ITFG1: variants seen among roughly 807,000 people sequenced by gnomAD.
The protein encoded by ITFG1 is T-cell immunomodulatory protein.
A neutral mutation model predicts 81.8 loss-of-function variants in ITFG1; 34 were observed. The ratio of observed to expected loss-of-function variants is 0.42; its 90% CI spans 0.32 to 0.55. ITFG1 has a LOEUF of 0.55. Among genes scored for constraint, ITFG1 ranks in the 20% least tolerant of loss-of-function variants. The pLI is 0.17. For missense variants in ITFG1, 672 were observed against 755.4 expected (o/e 0.89, Z 1.29); for synonymous variants, 285 against 270.6 (o/e 1.05, Z -0.52).
chr16:47,166,903 C>T (rs1248836370), intron 14 of ITFG1, among the ~76,000 whole-genome samples: 1 of 152,168 alleles, frequency 6.6e-6, no homozygotes, highest in Non-Finnish European at 1.5e-5. Context: ...CATCACTTTA[C>T]ATTTCCATTA....
chr16:47,333,965 C>T (rs892735247), intron 8 of ITFG1, among the ~76,000 whole-genome samples: 4 of 152,032 alleles, frequency 2.6e-5, no homozygotes, highest in Admixed American at 1.3e-4. Context: ...ATTTAGATAC[C>T]CACAATATCA....
intron 8 of ITFG1, among the ~76,000 whole-genome samples, chr16:47,319,755 T>C (rs374070226): frequency 3.3e-5 from 5 of 152,180 alleles, no homozygotes; most frequent in East Asian, 1.9e-4. Context: ...CTACTTTGAT[T>C]TGTGCTACAC....
intron 14 of ITFG1, among the ~76,000 whole-genome samples, chr16:47,194,147 TACTC>T (rs1459608169): frequency 1.4e-4 from 22 of 152,250 alleles, no homozygotes; most frequent in Admixed American, 1.4e-3. Context: ...CATTTCTTCT[TACTC>T]ACTTCTTCTG....
intron 14 of ITFG1, among the ~76,000 whole-genome samples, chr16:47,186,515 G>T (rs1286917371): frequency 6.6e-6 from 1 of 152,126 alleles, no homozygotes; most frequent in Non-Finnish European, 1.5e-5. Flanking sequence ...AAAACCACAC[G>T]ATTATCTCAA....
chr16:47,362,983 G>C (rs1968128605), intron 8 of ITFG1, among the ~76,000 whole-genome samples: 1 of 152,066 alleles, frequency 6.6e-6, no homozygotes, highest in Non-Finnish European at 1.5e-5. Context: ...TGCAACGTCT[G>C]CCTCCCAGGC....
chr16:47,258,599 G>A (rs749267984), intron 12 of ITFG1, 33 bp downstream of exon 12: 6 of 974,226 alleles, frequency 6.2e-6, no homozygotes, highest in African/African-American at 1.6e-5. Context: ...GGAAGAGAAA[G>A]AGAACAAAAT....
intron 14 of ITFG1, among the ~76,000 whole-genome samples, chr16:47,208,368 T>C (rs1965526060): frequency 6.6e-6 from 1 of 152,174 alleles, no homozygotes; most frequent in Admixed American, 6.5e-5. Context: ...ATAAGAACTT[T>C]AAGGTGTTTG....
chr16:47,435,791 G>T (rs1015994706), intron 5 of ITFG1, among the ~76,000 whole-genome samples: 11 of 152,064 alleles, frequency 7.2e-5, no homozygotes, highest in South Asian at 2.1e-4. Context: ...AAAGAATTTT[G>T]AATGCTGAAA....
At chr16:47,234,779 C>T (rs1596824414) in intron 13 of ITFG1, among the ~76,000 whole-genome samples, 1 of 152,276 alleles carries the variant, frequency 6.6e-6, no homozygotes, top group South Asian at 2.1e-4. Context: ...GCTGTGTCCA[C>T]ACCCAAATCT....
At chr16:47,279,682 C>T (rs886910041) in intron 10 of ITFG1, among the ~76,000 whole-genome samples, 9 of 152,144 alleles carry the variant, frequency 5.9e-5, no homozygotes, top group South Asian at 2.1e-4. Context: ...AACTCTACTG[C>T]GATTTTGATA....
intron 9 of ITFG1, among the ~76,000 whole-genome samples, chr16:47,313,523 C>T (rs1004769412): frequency 2.0e-5 from 3 of 152,020 alleles, no homozygotes; most frequent in Non-Finnish European, 4.4e-5. Flanking sequence ...GTTTTCTTCA[C>T]TAGAAATAAT....
chr16:47,248,581 A>G (rs1308870633), intron 12 of ITFG1, among the ~76,000 whole-genome samples: 1 of 152,048 alleles, frequency 6.6e-6, no homozygotes, highest in African/African-American at 2.4e-5. Flanking sequence ...AAATTATTTA[A>G]AGTAGTCTAT....
intron 16 of ITFG1, among the ~76,000 whole-genome samples, chr16:47,159,937 GA>G (rs1311584678): frequency 6.6e-6 from 1 of 151,984 alleles, no homozygotes; most frequent in Non-Finnish European, 1.5e-5. Flanking sequence ...ACATAAATTT[GA>G]AAAGAACATT....
At chr16:47,257,018 C>G (rs1031343247) in intron 12 of ITFG1, among the ~76,000 whole-genome samples, 4 of 152,290 alleles carry the variant, frequency 2.6e-5, no homozygotes, top group Non-Finnish European at 5.9e-5. Flanking sequence ...TGATACAAAG[C>G]ATCTACCAAA....
intron 8 of ITFG1, among the ~76,000 whole-genome samples, chr16:47,358,327 T>C (rs1430832011): frequency 6.6e-6 from 1 of 152,162 alleles, no homozygotes; most frequent in East Asian, 1.9e-4. Flanking sequence ...GGAAACAGAA[T>C]TGGCACTATG....
At chr16:47,444,705 A>G (rs1474101641) in intron 5 of ITFG1, among the ~76,000 whole-genome samples, 2 of 152,212 alleles carry the variant, frequency 1.3e-5, no homozygotes, top group Admixed American at 6.5e-5. Context: ...TACCAAATAT[A>G]CAACAAATTA....
intron 8 of ITFG1, among the ~76,000 whole-genome samples, chr16:47,343,586 C>T (rs1967812783): frequency 6.6e-6 from 1 of 151,636 alleles, no homozygotes; most frequent in African/African-American, 2.4e-5. Context: ...TAAAAATGGC[C>T]AATAAGAACA....
intron 10 of ITFG1, among the ~76,000 whole-genome samples, chr16:47,293,563 A>T (rs1199394056): frequency 6.6e-6 from 1 of 151,996 alleles, no homozygotes; most frequent in African/African-American, 2.4e-5. Flanking sequence ...GTGTAGGATG[A>T]TGTCTCATTG....
At chr16:47,201,875 A>C (rs564708756) in intron 14 of ITFG1, among the ~76,000 whole-genome samples, 65 of 152,362 alleles carry the variant, frequency 4.3e-4, no homozygotes, top group African/African-American at 1.5e-3. Flanking sequence ...GCACAATACC[A>C]TATATAAATA....
Sources: allele counts gnomAD v4.1 joint callset (sites outside exome capture counted in the v4.1 genomes callset), GRCh38; gene constraint gnomAD v4.1.1; transcripts MANE v1.5; gene names NCBI Gene and HGNC (gene_info 2026-07-23, HGNC 2026-07-21).